WDFY4: variants seen among roughly 807,000 people sequenced by gnomAD.
WDFY4 encodes WD repeat- and FYVE domain-containing protein 4.
Under a neutral mutation model 351.9 loss-of-function variants are expected in WDFY4, and 169 were observed. That is an observed-to-expected ratio of 0.48 (90% confidence interval 0.42 to 0.55). The LOEUF (loss-of-function observed/expected upper bound fraction) is 0.55. WDFY4 is among the 20% of genes least tolerant of loss of function. WDFY4 has a pLI of 0.00. For synonymous variants in WDFY4, 1,622 were observed against 1,574.6 expected (o/e 1.03, Z -0.71); for missense variants, 3,803 against 3,935.6 (o/e 0.97, Z 0.90).
intron 1 of WDFY4, among the ~76,000 whole-genome samples, chr10:48,697,457 G>A (rs1275395682): frequency 6.6e-6 from 1 of 152,202 alleles, no homozygotes; most frequent in Non-Finnish European, 1.5e-5. Flanking sequence ...CACAATGTTG[G>A]GGAACCCGGC....
chr10:48,726,046 C>A lies in WDFY4; in HGVS notation c.757C>A (p.Leu253Ile), dbSNP rs1005917778. ...AAGGGCAATCTCCAAGGCCCAGAAC[C>A]TCAGCATCATCCAGTACCTGCAGGG... The part of the protein sequence containing the change: ...VLRAISKAQN[L>I]SIIQYLQATD... Residue 253 changes from leucine to isoleucine, a missense_variant, in exon 6 of 62, where the codon CTC (leucine) becomes ATC (isoleucine). Physicochemically the swap from Leu to Ile is conservative, Grantham distance 5. This residue lies in a region of WDFY4 where 488 missense variants were observed against 456.8 expected (regional missense o/e 1.07). Coordinates refer to ENST00000325239, the MANE Select transcript of WDFY4 (RefSeq NM_001394531.1). 6 of 1,550,380 alleles carry A rather than the reference C, an allele frequency of 3.9e-6. No individual in the cohort carries two copies. Among genetic ancestry groups the A allele is most frequent in the Non-Finnish European group, 5.2e-6 (6 of 1,145,976 alleles).
intron 30 of WDFY4, 28 bp from the exon 31 acceptor site, chr10:48,813,929 T>A (rs1422118647): frequency 2.0e-6 from 3 of 1,495,370 alleles, no homozygotes; most frequent in African/African-American, 1.4e-5. Flanking sequence ...GCCGCAGGTC[T>A]GCTTACAGCT....
At chr10:48,978,626 A>G (rs868443309) in intron 60 of WDFY4, 1 of 470,966 alleles carries the variant, frequency 2.1e-6, no homozygotes, top group South Asian at 3.3e-5. Flanking sequence ...AACCATAGAC[A>G]CTGGCATGTA....
Position 48,709,721 on chromosome 10 carries a change from C to A in WDFY4, c.-12C>A, listed in dbSNP as rs2063721289. The A allele has an allele frequency of 6.4e-7, 1 of 1,551,436 alleles. No individual in the cohort carries two copies. Among genetic ancestry groups the A allele is most frequent in the South Asian group, 1.2e-5 (1 of 84,046 alleles). On this transcript the variant is annotated 5_prime_UTR_variant, in exon 2 of 62. Coordinates refer to ENST00000325239, the MANE Select transcript of WDFY4 (RefSeq NM_001394531.1). The stretch of plus-strand genomic sequence containing the variant: ...TCTATTTGTTCTGAATTCAGATCTG[C>A]TTTGCCACGGCATGGAGGCAGAAGA...
intron 13 of WDFY4, among the ~76,000 whole-genome samples, chr10:48,763,325 T>A (rs2065570404): frequency 6.6e-6 from 1 of 152,272 alleles, no homozygotes; most frequent in Non-Finnish European, 1.5e-5. Flanking sequence ...GCTTAAGATG[T>A]GTTGGATCTT....
chr10:48,731,649 C>A, intron 9 of WDFY4, 87 bp downstream of exon 9: 1 of 1,406,918 alleles, frequency 7.1e-7, no homozygotes, highest in Non-Finnish European at 9.5e-7. Flanking sequence ...CCATCAAATG[C>A]AACAGAAAGT....
chr10:48,858,728 G>A (rs1200190488), intron 39 of WDFY4, among the ~76,000 whole-genome samples: 1 of 152,150 alleles, frequency 6.6e-6, no homozygotes. Context: ...AAACTCGTCT[G>A]TATCTAGAAA....
chr10:48,925,744 G>A (rs978656451), intron 47 of WDFY4, among the ~76,000 whole-genome samples: 2 of 152,100 alleles, frequency 1.3e-5, no homozygotes, highest in Admixed American at 1.3e-4. Context: ...GCAGGGGTTG[G>A]AATCTTACAG....
chr10:48,949,995 C>T (rs943538886), intron 51 of WDFY4, among the ~76,000 whole-genome samples: 6 of 152,132 alleles, frequency 3.9e-5, no homozygotes, highest in Non-Finnish European at 8.8e-5. Flanking sequence ...TGCTAAGTAC[C>T]TTACAGCTGT....
At chr10:48,718,630 T>A (rs2063982265) in intron 2 of WDFY4, among the ~76,000 whole-genome samples, 1 of 152,192 alleles carries the variant, frequency 6.6e-6, no homozygotes, top group Non-Finnish European at 1.5e-5. Flanking sequence ...GCACAGGGAA[T>A]CTCTCAAGAA....
intron 17 of WDFY4, among the ~76,000 whole-genome samples, chr10:48,778,307 G>C (rs2066103139): frequency 6.6e-6 from 1 of 152,252 alleles, no homozygotes; most frequent in East Asian, 1.9e-4. Context: ...GGCATTCCTA[G>C]ATTGGTGCCC....
intron 51 of WDFY4, among the ~76,000 whole-genome samples, chr10:48,950,797 A>T (rs1841285934): frequency 6.6e-6 from 1 of 152,162 alleles, no homozygotes; most frequent in Non-Finnish European, 1.5e-5. Context: ...GCAGTGTGAC[A>T]TGTAGGCAGT....
chr10:48,966,543 C>T lies in WDFY4; in HGVS notation c.8454C>T (p.His2818=), dbSNP rs1842090744. 1 of 1,551,988 alleles carries T rather than the reference C, an allele frequency of 6.4e-7. No homozygotes were observed. The highest frequency in any genetic ancestry group is 8.7e-7 in the Non-Finnish European group (1 of 1,147,080). The change falls in exon 55 of 62, where the codon CAC becomes CAT. Residue 2818 remains histidine, a synonymous_variant. Transcript: ENST00000325239. ...QVPKQLFTKP[H]PARTAAGKPL... is the part of the protein sequence containing the mutation. ...CTCTCTAGCTCTTTACCAAACCTCA[C>T]CCAGCCAGGACTGCAGCAGGGAAGC...
intron 47 of WDFY4, chr10:48,910,390 G>T: frequency 1.3e-6 from 1 of 768,340 alleles, no homozygotes; most frequent in Non-Finnish European, 2.3e-6. Flanking sequence ...TGTGAATGGG[G>T]GTTTTGTTGT....
At position 48,912,449 on chromosome 10, in the gene WDFY4, C is replaced by T. The variant is rs551476377; in HGVS notation, c.7586+10586C>T. On this transcript the variant is annotated intron_variant, in intron 47 of 61. Transcript: ENST00000325239. ...TGCCATGGACCTAGACCTGTCCAAC[C>T]TCAGAATCTTTGGCTTTTCTCTTTG... Among the ~76,000 whole-genome samples, 17 of 152,304 alleles carry T rather than the reference C, an allele frequency of 1.1e-4. No individual in the cohort carries two copies. In the South Asian group the frequency reaches 3.3e-3, roughly 30 times the overall value.
chr10:48,807,824 T>A lies in WDFY4; in HGVS notation c.4739-35T>A, dbSNP rs969703810. ...GCAGCAAATATTATGTCTCTTTACA[T>A]CCATTTTCTCTCAAATCTGAATTCT... On this transcript the variant is annotated intron_variant, in intron 27 of 61. Coordinates refer to ENST00000325239, the MANE Select transcript of WDFY4 (RefSeq NM_001394531.1). 11 of 1,543,240 alleles carry A rather than the reference T, an allele frequency of 7.1e-6. No homozygotes were observed. The Admixed American group carries it at 2.2e-4, about 30-fold the overall frequency.
intron 19 of WDFY4, among the ~76,000 whole-genome samples, chr10:48,782,668 A>G (rs1207766842): frequency 6.6e-6 from 1 of 152,284 alleles, no homozygotes; most frequent in African/African-American, 2.4e-5. Context: ...TGATGCAAAC[A>G]TCTGTTGGAC....
chr10:48,832,591 T>C lies in WDFY4; in HGVS notation c.6545T>C (p.Leu2182Pro). 1 of 1,547,620 alleles carries C rather than the reference T, an allele frequency of 6.5e-7. No homozygotes were observed. Among genetic ancestry groups the C allele is most frequent in the Non-Finnish European group, 8.7e-7 (1 of 1,144,298 alleles). ...QHYLASEKKS[L>P]ASRSNVAHHS... The stretch of plus-strand genomic sequence containing the variant: ...CCCTCAGCATCTGAGAAGAAGTCAC[T>C]GGCAAGTCGTTCAAATGTTGCACAC... Residue 2182 changes from leucine (L) to proline (P), a missense_variant, in exon 39 of 62, where the codon CTG becomes CCG. Transcript: ENST00000325239.
intron 7 of WDFY4, 81 bp from the exon 8 acceptor site, chr10:48,729,351 C>T: frequency 6.6e-7 from 1 of 1,510,108 alleles, no homozygotes; most frequent in South Asian, 1.3e-5. Flanking sequence ...CCCATTGGCT[C>T]TGTCTCCTTG....
Sources: gnomAD v4.1 joint callset for allele counts (sites outside exome capture counted in the v4.1 genomes callset) on GRCh38, gnomAD v4.1.1 for gene constraint, gnomAD v4.1.1 regional missense constraint, MANE v1.5 for transcripts, NCBI Gene and HGNC (gene_info 2026-07-23, HGNC 2026-07-21) for gene names.